The following CD46 variants were observed in gnomAD, a reference collection of about 807,000 sequenced individuals.
CD46 encodes CD46 molecule, also known as membrane cofactor protein.
CD46 carries 30 observed loss-of-function variants against 53.3 expected under a neutral mutation model. That is an observed-to-expected ratio of 0.56 (90% confidence interval 0.42 to 0.76). CD46 has a LOEUF of 0.76. Ranked by LOEUF, CD46 falls within the 30% of genes least tolerant of loss-of-function variation. The pLI is 0.00. For missense variants in CD46, 409 were observed against 463.0 expected, an observed-to-expected ratio of 0.88 and a Z score of 1.07; for synonymous variants, 142 against 152.0, an observed-to-expected ratio of 0.93 and a Z score of 0.48.
intron 8 of CD46, among the ~76,000 whole-genome samples, chr1:207,777,092 G>T (rs1658199051): frequency 6.6e-6 from 1 of 152,046 alleles, no homozygotes; most frequent in Admixed American, 6.5e-5. Context: ...AATATGAAGT[G>T]AACAGTTTTT....
intron 8 of CD46, among the ~76,000 whole-genome samples, chr1:207,773,607 T>C (rs1357067814): frequency 6.6e-6 from 1 of 152,226 alleles, no homozygotes; most frequent in Non-Finnish European, 1.5e-5. Flanking sequence ...TTTGTTCTCG[T>C]TGGTTTTAAA....
chr1:207,789,312 A>T (rs1389388444), intron 11 of CD46, among the ~76,000 whole-genome samples: 1 of 152,174 alleles, frequency 6.6e-6, no homozygotes, highest in African/African-American at 2.4e-5. Context: ...TATAACCTAA[A>T]CTGACTTTTA....
At chr1:207,785,042 CA>C (rs1659146311) in intron 9 of CD46, 28 bp from the exon 10 acceptor site, 1 of 1,595,574 alleles carries the variant, frequency 6.3e-7, no homozygotes, top group Admixed American at 1.7e-5. Flanking sequence ...TCCATGTGTT[CA>C]ACATCTTGGA....
At chr1:207,789,901 A>C (rs1269092021) in intron 11 of CD46, among the ~76,000 whole-genome samples, 5 of 149,878 alleles carry the variant, frequency 3.3e-5, no homozygotes. Flanking sequence ...AAAAAAAATC[A>C]AGAGTGCTAG....
chr1:207,754,773 C>G (rs759369998), intron 1 of CD46, among the ~76,000 whole-genome samples: 17 of 151,984 alleles, frequency 1.1e-4, no homozygotes, highest in Non-Finnish European at 2.1e-4. Flanking sequence ...TTCAGTCTTG[C>G]ATCTCACTGA....
At chr1:207,775,030 G>A (rs1426788570) in intron 8 of CD46, among the ~76,000 whole-genome samples, 11 of 152,148 alleles carry the variant, frequency 7.2e-5, no homozygotes, top group East Asian at 1.9e-4. Context: ...CCAATCAAAC[G>A]TAGATTTGGT....
At chr1:207,786,945 C>G (rs1336867754) in intron 11 of CD46, among the ~76,000 whole-genome samples, 4 of 152,092 alleles carry the variant, frequency 2.6e-5, no homozygotes, top group African/African-American at 7.2e-5. Context: ...CTAAAGAAAA[C>G]AAAACAAAGT....
Position 207,770,196 on chromosome 1 carries a change from T to C in CD46, c.902-125T>C, listed in dbSNP as rs1657335415. On this transcript the variant is annotated intron_variant, in intron 7 of 12. Coordinates refer to ENST00000367042, the MANE Select transcript of CD46 (RefSeq NM_172351.3). ...GTAGGTTAAATTCTAAGATGTGGAA[T>C]TGCAAAGTTTGTAAAGTGTGTAGTT... 1.1e-5 allele frequency: 8 copies of C among 742,068 alleles called. 1 individual carries two copies. Among genetic ancestry groups the C allele is most frequent in the South Asian group, 9.2e-5 (6 of 65,490 alleles). 46.0% of individuals were successfully genotyped at this position (742,068 alleles called of 1,614,324 possible).
chr1:207,759,350 A>C (rs1485539433), intron 3 of CD46, among the ~76,000 whole-genome samples: 1 of 152,250 alleles, frequency 6.6e-6, no homozygotes, highest in African/African-American at 2.4e-5. Flanking sequence ...AAAGGCACAG[A>C]AATGAATGTG....
intron 4 of CD46, chr1:207,760,082 T>A (rs1185471376): frequency 4.9e-6 from 1 of 205,350 alleles, no homozygotes; most frequent in Non-Finnish European, 1.0e-5. Context: ...TTTGCCATGA[T>A]GCCCAGGCTG....
At chr1:207,792,283 GA>G (rs1331327257) in intron 12 of CD46, among the ~76,000 whole-genome samples, 1 of 151,306 alleles carries the variant, frequency 6.6e-6, no homozygotes, top group South Asian at 2.1e-4. Flanking sequence ...TGTCTCAAAG[GA>G]AAAAAAATAA....
intron 8 of CD46, among the ~76,000 whole-genome samples, chr1:207,770,788 A>C (rs1038982168): frequency 1.3e-5 from 2 of 152,144 alleles, no homozygotes; most frequent in South Asian, 4.1e-4. Flanking sequence ...ACATTTTCTT[A>C]ATCCAGTCTA....
rs781750378 is a variant in CD46, at chr1:207,761,422, A to G, written c.649A>G (p.Ser217Gly). The G allele has an allele frequency of 6.2e-7, 1 of 1,613,996 alleles. No individual in the cohort carries two copies. Among genetic ancestry groups the G allele is most frequent in the South Asian group, 1.1e-5 (1 of 91,086 alleles). ...TTATTGTGGTGACAATTCAGTGTGG[A>G]GTCGTGCTGCTCCAGAGTGTAAAGG... Reference protein sequence around the residue: ...TIYCGDNSVWSRAAPECKVVK... With the variant: ...TIYCGDNSVWGRAAPECKVVK... The change falls in exon 5 of 13, where the codon AGT (serine) becomes GGT (glycine). Residue 217 changes from serine (S) to glycine (G), a missense_variant. Coordinates refer to ENST00000367042, the MANE Select transcript of CD46 (RefSeq NM_172351.3).
At chr1:207,788,404 G>C (rs1038623440) in intron 11 of CD46, among the ~76,000 whole-genome samples, 23 of 150,254 alleles carry the variant, frequency 1.5e-4, no homozygotes, top group African/African-American at 5.6e-4. Context: ...TGTAGTCCCA[G>C]CTACTCTGGG....
intron 9 of CD46, 86 bp from the exon 10 acceptor site, chr1:207,784,985 A>G: frequency 8.7e-7 from 1 of 1,148,858 alleles, no homozygotes; most frequent in Non-Finnish European, 1.3e-6. Flanking sequence ...CAGCCAAACC[A>G]TATCAAGTGT....
chr1:207,785,493 A>C (rs1029147586), intron 10 of CD46, 126 bp from the exon 11 acceptor site: 28 of 778,758 alleles, frequency 3.6e-5, no homozygotes, highest in Non-Finnish European at 6.3e-5. Context: ...TGGAATATAA[A>C]TGTGTAGGTG....
intron 8 of CD46, among the ~76,000 whole-genome samples, chr1:207,776,522 T>C (rs1658126269): frequency 6.6e-6 from 1 of 152,256 alleles, no homozygotes; most frequent in African/African-American, 2.4e-5. Context: ...TTTTTTTAAA[T>C]TAAAAACTTA....
At chr1:207,767,231 ATTG>A (rs749865187) in intron 6 of CD46, 36 bp downstream of exon 6, 47 of 1,550,270 alleles carry the variant, frequency 3.0e-5, no homozygotes, top group Non-Finnish European at 4.0e-5. Context: ...TTGGTTTGTT[ATTG>A]TTGTTGCTGT....
At chr1:207,770,911 T>C (rs2102615701) in intron 8 of CD46, among the ~76,000 whole-genome samples, 1 of 152,350 alleles carries the variant, frequency 6.6e-6, no homozygotes. Context: ...CCTTTGGGTA[T>C]ATACCCAGTA....
Sources: gnomAD v4.1 joint callset for allele counts (sites outside exome capture counted in the v4.1 genomes callset) on GRCh38, gnomAD v4.1.1 for gene constraint, MANE v1.5 for transcripts, NCBI Gene and HGNC (gene_info 2026-07-23, HGNC 2026-07-21) for gene names.